ERBB4: variants seen among roughly 807,000 people sequenced by gnomAD.
ERBB4 encodes the protein receptor tyrosine-protein kinase erbB-4.
ERBB4 carries 42 observed loss-of-function variants against 158.0 expected under a neutral mutation model. That is an observed-to-expected ratio of 0.27 (90% CI 0.21 to 0.34). The LOEUF is 0.34. Ranked by LOEUF, ERBB4 falls within the 10% of genes least tolerant of loss-of-function variation. The pLI, the probability that ERBB4 is intolerant of heterozygous loss-of-function variation, is 1.00. For synonymous variants in ERBB4, 583 were observed against 558.7 expected (o/e 1.04, Z -0.61); for missense variants, 1,333 against 1,624.1 (o/e 0.82, Z 3.08).
chr2:211,533,798 T>C (rs914640041), intron 20 of ERBB4, among the ~76,000 whole-genome samples: 1 of 152,104 alleles, frequency 6.6e-6, no homozygotes, highest in African/African-American at 2.4e-5. Context: ...TTCATTCATA[T>C]ATGACAAAAT....
intron 20 of ERBB4, among the ~76,000 whole-genome samples, chr2:211,525,381 G>C (rs2066318851): frequency 6.6e-6 from 1 of 152,132 alleles, no homozygotes; most frequent in South Asian, 2.1e-4. Flanking sequence ...AGTGTTCTAA[G>C]TTGTAAGGCC....
intron 22 of ERBB4, 100 bp from the exon 23 acceptor site, chr2:211,424,401 C>CCAAA: frequency 2.6e-6 from 2 of 757,336 alleles, no homozygotes; most frequent in Non-Finnish European, 4.4e-6. Context: ...ACAGGTCAAT[C>CCAAA]CAAACACCAA....
intron 2 of ERBB4, among the ~76,000 whole-genome samples, chr2:211,958,375 T>G (rs1474992984): frequency 6.6e-6 from 1 of 152,118 alleles, no homozygotes; most frequent in Non-Finnish European, 1.5e-5. Context: ...TTTTCTTATT[T>G]AAGTATCCTT....
chr2:211,577,730 A>G (rs961212207), intron 19 of ERBB4, among the ~76,000 whole-genome samples: 1 of 152,174 alleles, frequency 6.6e-6, no homozygotes, highest in African/African-American at 2.4e-5. Context: ...ATCTCAATAG[A>G]TGCAGCAAAG....
At chr2:211,940,012 T>G (rs184399130) in intron 3 of ERBB4, among the ~76,000 whole-genome samples, 116 of 147,986 alleles carry the variant, frequency 7.8e-4, no homozygotes, top group Admixed American at 3.2e-3. Context: ...TAGATAGAGA[T>G]AGATATAGAT....
Position 212,096,208 on chromosome 2 carries a change from TC to T in ERBB4, c.234+28543del, listed in dbSNP as rs574917839. Among the ~76,000 whole-genome samples the T allele has an allele frequency of 5.9e-5, 9 of 152,158 alleles. No individual in the cohort carries two copies. The South Asian group carries it at 1.9e-3, about 32-fold the overall frequency. ...AATTGAAGAAAAAGGGTTTAAGAGGTCAGTTACAATGGTATAGAGGAGGCAA... is the reference window on the plus strand; with the variant it reads ...AATTGAAGAAAAAGGGTTTAAGAGGTAGTTACAATGGTATAGAGGAGGCAA... On this transcript the variant is annotated intron_variant, in intron 2 of 27. Coordinates refer to ENST00000342788, the MANE Select transcript of ERBB4 (RefSeq NM_005235.3).
At chr2:212,518,685 T>C (rs1691974584) in intron 1 of ERBB4, among the ~76,000 whole-genome samples, 1 of 151,866 alleles carries the variant, frequency 6.6e-6, no homozygotes. Context: ...TTCCAAAGAG[T>C]TTAGAAAACA....
intron 2 of ERBB4, among the ~76,000 whole-genome samples, chr2:212,087,750 A>G (rs745738191): frequency 4.6e-5 from 7 of 152,236 alleles, no homozygotes; most frequent in Non-Finnish European, 1.0e-4. Context: ...TCTAAGAGCT[A>G]AATTCTAATA....
At position 211,630,569 on chromosome 2, in the gene ERBB4, T is replaced by A. The variant is rs190654033; in HGVS notation, c.1972A>T (p.Ile658Phe). The change falls in exon 17 of 28, where the codon ATT (isoleucine) becomes TTT (phenylalanine). Residue 658 changes from isoleucine (I) to phenylalanine (F), a missense_variant. Around this residue, in one of 5 missense-constraint regions of ERBB4, gnomAD observed 245 missense variants for 247.5 expected, o/e 0.99. Coordinates refer to ENST00000342788, the MANE Select transcript of ERBB4 (RefSeq NM_005235.3). ...ARTPLIAAGV[I>F]GGLFILVIVG... ...ATGACCAGAATGAAGAGCCCACCAA[T>A]TACTCCAGCTGCAATCAGGGGAGTT... 149 of 1,612,970 alleles carry A rather than the reference T, an allele frequency of 9.2e-5. No homozygotes were observed. In the East Asian group the frequency reaches 2.4e-3, roughly 26 times the overall value.
chr2:211,744,977 T>C (rs1363024972), intron 5 of ERBB4, among the ~76,000 whole-genome samples: 1 of 152,254 alleles, frequency 6.6e-6, no homozygotes, highest in Non-Finnish European at 1.5e-5. Context: ...TAACATCTGA[T>C]TGTATCTTTC....
chr2:211,580,369 C>T (rs767027986), intron 19 of ERBB4, among the ~76,000 whole-genome samples: 5 of 151,904 alleles, frequency 3.3e-5, no homozygotes, highest in African/African-American at 4.8e-5. Flanking sequence ...AGAAGATGTA[C>T]AAAAGGCCAA....
intron 2 of ERBB4, among the ~76,000 whole-genome samples, chr2:212,074,318 A>G (rs969337908): frequency 2.0e-5 from 3 of 152,046 alleles, no homozygotes; most frequent in Admixed American, 6.6e-5. Context: ...TATTCCTTTC[A>G]GGAATCACTA....
chr2:211,913,619 A>ATATGTGTGTGTGTG (rs1392716173), intron 3 of ERBB4, among the ~76,000 whole-genome samples: 2 of 132,746 alleles, frequency 1.5e-5, no homozygotes, highest in African/African-American at 5.8e-5. Flanking sequence ...ATATATATAT[A>ATATGTGTGTGTGTG]TGTGTGTGTG....
rs183219641 is a variant in ERBB4 at position 211,546,536 on chromosome 2, G to A, written c.2487+15367C>T. 1.1e-4 allele frequency among the ~76,000 whole-genome samples: 17 copies of A among 152,132 alleles called. No homozygotes were observed. In the East Asian group the frequency reaches 3.1e-3, roughly 28 times the overall value. On this transcript the variant is annotated intron_variant, in intron 20 of 27. Coordinates refer to ENST00000342788, the MANE Select transcript of ERBB4 (RefSeq NM_005235.3). Reference sequence around the variant, plus strand: ...CCCTTGTGGCTCAATGCCCTTTGGGGTTTATTAGGCTTTCTTCTGTAACCA... The same window carrying A: ...CCCTTGTGGCTCAATGCCCTTTGGGATTTATTAGGCTTTCTTCTGTAACCA...
rs188779979 is a variant in ERBB4, at chr2:211,506,135, T to G, written c.2487+55768A>C. ...AACAATAGTAAGCAGGAGTAGCCAT[T>G]CTTAGACTTTAAATCAACAACAGTA... On this transcript the variant is annotated intron_variant, in intron 20 of 27. Transcript: ENST00000342788. Among the ~76,000 whole-genome samples the G allele has an allele frequency of 1.4e-4, 22 of 152,140 alleles. No homozygotes were observed. In the East Asian group the frequency reaches 4.2e-3, roughly 29 times the overall value.
intron 1 of ERBB4, among the ~76,000 whole-genome samples, chr2:212,200,526 T>C (rs987516551): frequency 6.6e-6 from 1 of 152,188 alleles, no homozygotes; most frequent in African/African-American, 2.4e-5. Flanking sequence ...ATTTACATCA[T>C]AGATTTATTA....
At chr2:211,457,459 G>A (rs1458910495) in intron 20 of ERBB4, among the ~76,000 whole-genome samples, 1 of 152,130 alleles carries the variant, frequency 6.6e-6, no homozygotes, top group Non-Finnish European at 1.5e-5. Context: ...ATCATTCCAA[G>A]ACTCTCATTG....
At chr2:212,509,431 T>C (rs77179664) in intron 1 of ERBB4, among the ~76,000 whole-genome samples, 3,296 of 152,074 alleles carry the variant, frequency 0.022, 120 homozygotes, top group African/African-American at 0.075. Context: ...ATTGGGCAAA[T>C]TTCAAATACC....
chr2:212,383,557 T>C (rs2106417473), intron 1 of ERBB4, among the ~76,000 whole-genome samples: 1 of 151,712 alleles, frequency 6.6e-6, no homozygotes, highest in South Asian at 2.1e-4. Flanking sequence ...TGGATACAAA[T>C]ATAACTTTAA....
Sources: gnomAD v4.1 joint callset for allele counts (sites outside exome capture counted in the v4.1 genomes callset) on GRCh38, gnomAD v4.1.1 for gene constraint, gnomAD v4.1.1 regional missense constraint, MANE v1.5 for transcripts, NCBI Gene and HGNC (gene_info 2026-07-23, HGNC 2026-07-21) for gene names.